NR1I2: variants seen among roughly 807,000 people sequenced by gnomAD.
NR1I2 encodes the protein orphan nuclear receptor PAR1.
Under a neutral mutation model 43.3 loss-of-function variants are expected in NR1I2, and 42 were observed. The ratio of observed to expected loss-of-function variants is 0.97; its 90% CI spans 0.76 to 1.26. The LOEUF is 1.26. Ranked by LOEUF, NR1I2 falls within the 50% of genes most tolerant of loss-of-function variation. NR1I2 has a pLI of 0.00. For missense variants in NR1I2, 559 were observed against 566.7 expected, an observed-to-expected ratio of 0.99 and a Z score of 0.14; for synonymous variants, 229 against 215.0, an observed-to-expected ratio of 1.06 and a Z score of -0.57.
At chr3:119,797,025 C>A (rs1399647228) in intron 1 of NR1I2, among the ~76,000 whole-genome samples, 2 of 152,204 alleles carry the variant, frequency 1.3e-5, no homozygotes, top group Non-Finnish European at 2.9e-5. Context: ...GAGCAAAAAA[C>A]AAAGTCCTCT....
In NR1I2 at chr3:119,792,236, A is replaced by AATCACCCAGAGAGAACTG. The variant is rs2054930371; in HGVS notation, c.-23+9937_-23+9954dup. On this transcript the variant is annotated intron_variant, in intron 1 of 8. Transcript: ENST00000393716. ...TGGCTCGCTTTGATGCTGGAGAACT[A>AATCACCCAGAGAGAACTG]ATCACCCAGAGAGAACTGGTCTCCA... 1.8e-5 allele frequency: 28 copies of AATCACCCAGAGAGAACTG among 1,538,182 alleles called. No homozygotes were observed. In the South Asian group the frequency reaches 3.2e-4, roughly 18 times the overall value.
Position 119,817,456 on chromosome 3 carries a change from C to A in NR1I2, c.*244C>A, listed in dbSNP as rs2055346936. 4 of 1,373,528 alleles carry A rather than the reference C, an allele frequency of 2.9e-6. No individual in the cohort carries two copies. The East Asian group carries it at 1.2e-4, about 41-fold the overall frequency. The allele number at this position is 1,373,528 out of a possible 1,614,324, so 85.1% of individuals were successfully genotyped here. ...ACTCTTACGTGGAGAGTGCACTGAC[C>A]TGTAGGTCAGGACCATCAGAGAGGC... On this transcript the variant is annotated 3_prime_UTR_variant, in exon 9 of 9. Transcript: ENST00000393716.
chr3:119,815,751 C>T lies in NR1I2; in HGVS notation c.1080C>T (p.Arg360=), dbSNP rs574897255. 1.1e-5 allele frequency: 18 copies of T among 1,613,578 alleles called. No homozygotes were observed. Among genetic ancestry groups the T allele is most frequent in the African/African-American group, 9.3e-5 (7 of 74,928 alleles). ...ACCGCCCAGGTGTGCTGCAGCACCG[C>T]GTGGTGGACCAGCTGCAGGAGCAAT... The change falls in exon 8 of 9, where the codon CGC becomes CGT. Residue 360 remains arginine (R), a synonymous_variant. Transcript: ENST00000393716.
intron 1 of NR1I2, among the ~76,000 whole-genome samples, chr3:119,791,520 C>A (rs911563933): frequency 1.3e-5 from 2 of 152,174 alleles, no homozygotes; most frequent in Non-Finnish European, 2.9e-5. Context: ...CAAAAGCATT[C>A]TTTGATCATC....
At position 119,817,243 on chromosome 3, in the gene NR1I2, G is replaced by A. The variant is rs2055344143; in HGVS notation, c.*31G>A. On this transcript the variant is annotated 3_prime_UTR_variant, in exon 9 of 9. Coordinates refer to ENST00000393716, the MANE Select transcript of NR1I2 (RefSeq NM_003889.4). Reference sequence around the variant, plus strand: ...TGCCCTTGGGTGACACCTCCGAGAGGCAGCCAGACCCAGAGCCCTCTGAGC... The same window carrying A: ...TGCCCTTGGGTGACACCTCCGAGAGACAGCCAGACCCAGAGCCCTCTGAGC... 3 of 1,612,206 alleles carry A rather than the reference G, an allele frequency of 1.9e-6. No homozygotes were observed. In the East Asian group the frequency reaches 6.7e-5, roughly 36 times the overall value.
chr3:119,810,454 T>A (rs926948580), intron 3 of NR1I2: 2 of 561,506 alleles, frequency 3.6e-6, no homozygotes, highest in South Asian at 4.6e-5. Context: ...GTGCCCTCTG[T>A]CTCCCCTCAG....
intron 1 of NR1I2, among the ~76,000 whole-genome samples, chr3:119,797,184 A>AT (rs1401966538): frequency 4.0e-5 from 1 of 24,996 alleles, no homozygotes; most frequent in Non-Finnish European, 8.5e-5. Context: ...CTGCACAAAG[A>AT]TATGTGTGTG....
intron 1 of NR1I2, among the ~76,000 whole-genome samples, chr3:119,785,674 T>C (rs1476214087): frequency 6.6e-6 from 1 of 152,210 alleles, no homozygotes; most frequent in East Asian, 1.9e-4. Flanking sequence ...AGGATGATCA[T>C]GACTTCCCTT....
chr3:119,801,804 G>A (rs1470522927), intron 1 of NR1I2, among the ~76,000 whole-genome samples: 5 of 152,192 alleles, frequency 3.3e-5, no homozygotes, highest in African/African-American at 1.2e-4. Flanking sequence ...GAGTCCAAGA[G>A]GGCTCACTCA....
At chr3:119,806,730 A>C (rs1478226246) in intron 1 of NR1I2, among the ~76,000 whole-genome samples, 3 of 150,080 alleles carry the variant, frequency 2.0e-5, no homozygotes, top group South Asian at 2.1e-4. Context: ...TTAGTTGAAA[A>C]CTCTTTCTGC....
intron 1 of NR1I2, chr3:119,802,952 G>C (rs775026355): frequency 6.6e-6 from 3 of 456,678 alleles, no homozygotes; most frequent in South Asian, 4.6e-5. Context: ...CTCATCCCCA[G>C]TGTGATGGCT....
chr3:119,814,208 C>T (rs1239049978), intron 5 of NR1I2, among the ~76,000 whole-genome samples: 2 of 152,192 alleles, frequency 1.3e-5, no homozygotes, highest in Admixed American at 6.5e-5. Flanking sequence ...CAGCCTCCCT[C>T]TCAGGCTGTG....
Position 119,812,770 on chromosome 3 carries a change from G to C in NR1I2, c.604G>C (p.Val202Leu), listed in dbSNP as rs2055262449. Residue 202 changes from valine (V) to leucine (L), a missense_variant, in exon 5 of 9, where the codon GTC becomes CTC. Around this residue, in one of 3 missense-constraint regions of NR1I2, gnomAD observed 323 missense variants for 312.2 expected, o/e 1.03. Transcript: ENST00000393716. ...GGAAGAAGCTGCCAAGTGGAGCCAG[G>C]TCCGGAAAGATCTGTGCTCTTTGAA... 1.2e-6 allele frequency: 2 copies of C among 1,614,222 alleles called. No homozygotes were observed. Among genetic ancestry groups the C allele is most frequent in the Admixed American group, 3.3e-5 (2 of 60,032 alleles).
chr3:119,800,698 G>A (rs900669221), intron 1 of NR1I2, among the ~76,000 whole-genome samples: 1 of 152,170 alleles, frequency 6.6e-6, no homozygotes, highest in African/African-American at 2.4e-5. Flanking sequence ...GCCTCTGGAT[G>A]TGGTCAGAGT....
chr3:119,807,287 G>A lies in NR1I2; in HGVS notation c.37G>A (p.Asp13Asn). Residue 13 changes from aspartate (D) to asparagine (N), a missense_variant, in exon 2 of 9, where the codon GAC (aspartate) becomes AAC (asparagine). Around this residue, in one of 3 missense-constraint regions of NR1I2, gnomAD observed 232 missense variants for 236.6 expected, o/e 0.98. Coordinates refer to ENST00000393716, the MANE Select transcript of NR1I2 (RefSeq NM_003889.4). ...ACCCAAAGAAAGCTGGAACCATGCTGACTTTGTACACTGTGAGGACACAGA... is the reference window on the plus strand; with the variant it reads ...ACCCAAAGAAAGCTGGAACCATGCTAACTTTGTACACTGTGAGGACACAGA... The A allele has an allele frequency of 6.2e-7, 1 of 1,614,218 alleles. No homozygotes were observed. Among genetic ancestry groups the A allele is most frequent in the Non-Finnish European group, 8.5e-7 (1 of 1,180,042 alleles).
chr3:119,806,075 A>T (rs749245757), intron 1 of NR1I2, among the ~76,000 whole-genome samples: 1 of 152,188 alleles, frequency 6.6e-6, no homozygotes, highest in Non-Finnish European at 1.5e-5. Context: ...GAATTTTACT[A>T]AAGTTTCGAT....
chr3:119,792,939 A>C (rs2054941954), intron 1 of NR1I2, among the ~76,000 whole-genome samples: 1 of 151,714 alleles, frequency 6.6e-6, no homozygotes, highest in African/African-American at 2.4e-5. Context: ...GCCTAGTGGG[A>C]GGTGTTTGGT....
In NR1I2 at chr3:119,785,516, G is replaced by T. The variant is rs1238191552; in HGVS notation, c.-23+3216G>T. Among the ~76,000 whole-genome samples the T allele has an allele frequency of 2.0e-5, 3 of 152,184 alleles. No homozygotes were observed. In the East Asian group the frequency reaches 5.8e-4, roughly 29 times the overall value. Reference sequence around the variant, plus strand: ...GCCAAGGCTGAGAAGGCCTGGGATAGACCTGTCTCCCTCCATGGTTTCTAC... The same window carrying T: ...GCCAAGGCTGAGAAGGCCTGGGATATACCTGTCTCCCTCCATGGTTTCTAC... On this transcript the variant is annotated intron_variant, in intron 1 of 8. Transcript: ENST00000393716.
At position 119,818,050 on chromosome 3, in the gene NR1I2, G is replaced by A. The variant is rs1054191; in HGVS notation, c.*838G>A. On this transcript the variant is annotated 3_prime_UTR_variant, in exon 9 of 9. Coordinates refer to ENST00000393716, the MANE Select transcript of NR1I2 (RefSeq NM_003889.4). ...TGTGTGGATGCTGAGCTGTGATGGC[G>A]GGCACTGGGTACCCAAGTGAAGGTT... The A allele has an allele frequency of 0.15, 149,648 of 985,362 alleles. 11,839 individuals carry two copies. Among genetic ancestry groups the A allele is most frequent in the Non-Finnish European group, 0.16 (131,343 of 829,920 alleles). The allele number at this position is 985,362 out of a possible 1,614,324, so 61.0% of individuals were successfully genotyped here.
Sources: allele counts gnomAD v4.1 joint callset (sites outside exome capture counted in the v4.1 genomes callset), GRCh38; gene constraint gnomAD v4.1.1; regional missense constraint gnomAD v4.1.1; transcripts MANE v1.5; gene names NCBI Gene and HGNC (gene_info 2026-07-23, HGNC 2026-07-21).